RALGAPA2: variants seen among roughly 807,000 people sequenced by gnomAD.
RALGAPA2 encodes Ral GTPase activating protein catalytic subunit alpha 2.
A neutral mutation model predicts 230.4 loss-of-function variants in RALGAPA2; 139 were observed. The observed-to-expected ratio is 0.60, with a 90% CI of 0.53 to 0.69. The LOEUF (loss-of-function observed/expected upper bound fraction) is 0.69, where lower values mean the gene tolerates loss of function less well. Among genes scored for constraint, RALGAPA2 ranks in the 30% least tolerant of loss-of-function variants. The pLI, the probability that RALGAPA2 is intolerant of heterozygous loss-of-function variation, is 0.00. For synonymous variants in RALGAPA2, 847 were observed against 837.8 expected (o/e 1.01, Z -0.19); for missense variants, 2,163 against 2,276.0 (o/e 0.95, Z 1.01).
intron 10 of RALGAPA2, among the ~76,000 whole-genome samples, chr20:20,625,848 C>T (rs1167410044): frequency 1.3e-5 from 2 of 152,172 alleles, no homozygotes; most frequent in African/African-American, 4.8e-5. Context: ...GCCTGGCCTT[C>T]CTGCTGGGGA....
chr20:20,677,848 A>G (rs2068390001), intron 2 of RALGAPA2, among the ~76,000 whole-genome samples: 1 of 151,348 alleles, frequency 6.6e-6, no homozygotes, highest in Admixed American at 6.6e-5. Flanking sequence ...GGGTGTCACC[A>G]TGTTAACCAG....
intron 16 of RALGAPA2, 109 bp downstream of exon 16, chr20:20,601,568 TTAATA>T (rs2065654503): frequency 9.8e-7 from 1 of 1,018,526 alleles, no homozygotes; most frequent in Non-Finnish European, 1.4e-6. Flanking sequence ...GACATTTCAT[TTAATA>T]TAAGGTCTAA....
At chr20:20,637,176 G>T (rs16982062) in intron 8 of RALGAPA2, among the ~76,000 whole-genome samples, 187 bp downstream of exon 8, 1,682 of 152,254 alleles carry the variant, frequency 0.011, 29 homozygotes, top group African/African-American at 0.039. Flanking sequence ...GTAAGCTGAG[G>T]TATATCTTAG....
chr20:20,692,123 C>G (rs1364477845), intron 1 of RALGAPA2, among the ~76,000 whole-genome samples: 1 of 152,066 alleles, frequency 6.6e-6, no homozygotes, highest in African/African-American at 2.4e-5. Flanking sequence ...AAACCATGAG[C>G]CAAATAAACT....
Position 20,582,161 on chromosome 20 carries a change from A to AGTGTGTGTGT in RALGAPA2, c.2707+879_2707+888dup, listed in dbSNP as rs35240382. On this transcript the variant is annotated intron_variant, in intron 20 of 39. Coordinates refer to ENST00000202677, the MANE Select transcript of RALGAPA2 (RefSeq NM_020343.4). ...GAGGTTGACTTACCCAGTGTCACAC[A>AGTGTGTGTGT]GTGTGTGTGTGTGTGTGTGTGTGTG... Among the ~76,000 whole-genome samples, 285 of 146,156 alleles carry AGTGTGTGTGT rather than the reference A, an allele frequency of 1.9e-3. 1 individual carries two copies. The highest frequency in any genetic ancestry group is 4.7e-3 in the African/African-American group (186 of 39,640).
chr20:20,647,387 T>C (rs898809930), intron 4 of RALGAPA2, among the ~76,000 whole-genome samples: 3 of 152,132 alleles, frequency 2.0e-5, no homozygotes, highest in Non-Finnish European at 2.9e-5. Context: ...GCCAGTGGAA[T>C]ACGAACAGAG....
intron 14 of RALGAPA2, among the ~76,000 whole-genome samples, chr20:20,605,907 G>GCTCCAC (rs747044570): frequency 6.6e-5 from 10 of 152,040 alleles, no homozygotes; most frequent in Non-Finnish European, 1.3e-4. Flanking sequence ...TATTCACCCA[G>GCTCCAC]CTCCACCTCC....
intron 1 of RALGAPA2, among the ~76,000 whole-genome samples, chr20:20,706,466 G>GTAGAA (rs2069608694): frequency 6.6e-6 from 1 of 152,212 alleles, no homozygotes. Context: ...TGTTCTAGTT[G>GTAGAA]TAGAATGTCC....
At chr20:20,551,739 G>C (rs2063930863) in intron 23 of RALGAPA2, among the ~76,000 whole-genome samples, 1 of 152,168 alleles carries the variant, frequency 6.6e-6, no homozygotes, top group African/African-American at 2.4e-5. Flanking sequence ...TATGGTGATG[G>C]CAACAGAAAT....
intron 25 of RALGAPA2, among the ~76,000 whole-genome samples, 154 bp downstream of exon 25, chr20:20,536,502 T>C (rs1368313090): frequency 6.6e-6 from 1 of 152,202 alleles, no homozygotes; most frequent in Non-Finnish European, 1.5e-5. Flanking sequence ...GCATAGCCCA[T>C]GAATAGTCTT....
intron 20 of RALGAPA2, among the ~76,000 whole-genome samples, chr20:20,574,621 C>CA (rs1026097822): frequency 3.9e-5 from 6 of 152,060 alleles, no homozygotes; most frequent in Non-Finnish European, 7.4e-5. Flanking sequence ...TGTATTATAA[C>CA]AAAAAAATTT....
chr20:20,504,106 T>C (rs2062459228), intron 34 of RALGAPA2, among the ~76,000 whole-genome samples: 1 of 152,212 alleles, frequency 6.6e-6, no homozygotes, highest in Admixed American at 6.5e-5. Context: ...ATACCTATTC[T>C]AACATATATG....
At chr20:20,395,167 T>C (rs757317944) in intron 39 of RALGAPA2, among the ~76,000 whole-genome samples, 2 of 152,212 alleles carry the variant, frequency 1.3e-5, no homozygotes, top group Non-Finnish European at 2.9e-5. Context: ...AGGGATCCCA[T>C]GGCCAGGGGC....
chr20:20,397,705 C>G (rs2059747135), intron 38 of RALGAPA2, among the ~76,000 whole-genome samples: 1 of 152,266 alleles, frequency 6.6e-6, no homozygotes, highest in Admixed American at 6.5e-5. Flanking sequence ...GGGCAAACTT[C>G]TAAGATGGTG....
At chr20:20,567,279 T>G (rs976057646) in intron 23 of RALGAPA2, among the ~76,000 whole-genome samples, 19 of 152,234 alleles carry the variant, frequency 1.2e-4, no homozygotes, top group African/African-American at 4.3e-4. Flanking sequence ...AAAACTGTTT[T>G]TAATAAATCC....
In RALGAPA2 at chr20:20,680,678, C is replaced by T; in HGVS notation, c.217+13G>A. The T allele has an allele frequency of 6.6e-7, 1 of 1,521,982 alleles. No individual in the cohort carries two copies. Among genetic ancestry groups the T allele is most frequent in the South Asian group, 1.3e-5 (1 of 77,196 alleles). 94.3% of individuals were successfully genotyped at this position (1,521,982 alleles called of 1,614,324 possible). A position where few individuals can be genotyped will look rare whatever the true frequency, so the allele number is the denominator to read the frequency against. On this transcript the variant is annotated intron_variant, in intron 2 of 39. Coordinates refer to ENST00000202677, the MANE Select transcript of RALGAPA2 (RefSeq NM_020343.4). ...CCGAATGTTTTTTAAAAAAAAACTACTGAAATGCTTACCTTTTAATTTCAA... is the reference window on the plus strand; with the variant it reads ...CCGAATGTTTTTTAAAAAAAAACTATTGAAATGCTTACCTTTTAATTTCAA...
chr20:20,510,115 C>T (rs2062656890), intron 33 of RALGAPA2, among the ~76,000 whole-genome samples: 1 of 152,120 alleles, frequency 6.6e-6, no homozygotes, highest in Non-Finnish European at 1.5e-5. Flanking sequence ...GCCACTGAAA[C>T]ACACACAATG....
intron 3 of RALGAPA2, among the ~76,000 whole-genome samples, chr20:20,660,695 G>A (rs2067746850): frequency 6.6e-6 from 1 of 152,154 alleles, no homozygotes; most frequent in South Asian, 2.1e-4. Context: ...GGTTTTGGCT[G>A]TGTTCACGAT....
intron 3 of RALGAPA2, among the ~76,000 whole-genome samples, chr20:20,667,721 T>G (rs1331016882): frequency 6.6e-6 from 1 of 152,052 alleles, no homozygotes; most frequent in Non-Finnish European, 1.5e-5. Context: ...CATCCTGGAG[T>G]GCACTGAAAC....
Sources: gnomAD v4.1 joint callset for allele counts (sites outside exome capture counted in the v4.1 genomes callset) on GRCh38, gnomAD v4.1.1 for gene constraint, MANE v1.5 for transcripts, NCBI Gene and HGNC (gene_info 2026-07-23, HGNC 2026-07-21) for gene names.